The following PCDHGA5 variants were observed in gnomAD, a reference collection of about 807,000 sequenced individuals.
The protein encoded by PCDHGA5 is protocadherin gamma subfamily A, 5.
In PCDHGA5, 36 loss-of-function variants were observed where a neutral mutation model predicts 56.7. That is an observed-to-expected ratio of 0.64 (90% CI 0.49 to 0.84). The LOEUF is 0.84. Among genes scored for constraint, PCDHGA5 ranks in the 40% least tolerant of loss-of-function variants. PCDHGA5 has a pLI of 0.00. For missense variants in PCDHGA5, 1,305 were observed against 1,201.5 expected (o/e 1.09, Z -1.27); for synonymous variants, 563 against 520.2 (o/e 1.08, Z -1.12).
At chr5:141,413,697 T>G in intron 1 of PCDHGA5, 4 of 1,613,632 alleles carry the variant, frequency 2.5e-6, no homozygotes, top group Non-Finnish European at 3.4e-6. Flanking sequence ...TGCAGAGCTA[T>G]CAGCTCAGCC....
rs2099884159 is a variant in PCDHGA5 at position 141,512,278 on chromosome 5, G to A, written c.*1105G>A. 6.5e-6 allele frequency: 1 copy of A among 152,812 alleles called. No homozygotes were observed. Among genetic ancestry groups the A allele is most frequent in the Non-Finnish European group, 1.5e-5 (1 of 68,170 alleles). 9.5% of individuals were successfully genotyped at this position (152,812 alleles called of 1,614,324 possible). A position where few individuals can be genotyped will look rare whatever the true frequency, so the allele number is the denominator to read the frequency against. ...TGCTGGGTACTCCAGAGGTGCCACT[G>A]GTGGAAGGGTCAGCGGAGCCCCAGC... On this transcript the variant is annotated 3_prime_UTR_variant, in exon 4 of 4. Coordinates refer to ENST00000518069, the MANE Select transcript of PCDHGA5 (RefSeq NM_018918.3).
At position 141,365,026 on chromosome 5, in the gene PCDHGA5, C is replaced by T; in HGVS notation, c.696C>T (p.Val232=). The change falls in exon 1 of 4, where the codon GTC becomes GTT. Residue 232 remains valine, a synonymous_variant. Transcript: ENST00000518069. ...GCACCACGCACATCCGTGTTACGGT[C>T]CTCGACGCAAACGACAATGCGCCCC... ...LSGTTHIRVT[V]LDANDNAPLF... is the part of the protein sequence containing the mutation. The T allele has an allele frequency of 6.2e-7, 1 of 1,613,890 alleles. No individual in the cohort carries two copies. Among genetic ancestry groups the T allele is most frequent in the Admixed American group, 1.7e-5 (1 of 60,030 alleles).
chr5:141,400,571 C>T (rs781701893), intron 1 of PCDHGA5: 1 of 1,612,704 alleles, frequency 6.2e-7, no homozygotes, highest in South Asian at 1.1e-5. Context: ...ACCCAATTTT[C>T]TGTATTTACA....
At chr5:141,394,754 G>A (rs753264235) in intron 1 of PCDHGA5, 3 of 1,613,428 alleles carry the variant, frequency 1.9e-6, no homozygotes, top group African/African-American at 2.7e-5. Flanking sequence ...TGGCCGTCCA[G>A]GACCATGGCC....
Position 141,423,156 on chromosome 5 carries a change from CGTG to C in PCDHGA5, c.2421+56410_2421+56412del, listed in dbSNP as rs776903094. On this transcript the variant is annotated intron_variant, in intron 1 of 3. Coordinates refer to ENST00000518069, the MANE Select transcript of PCDHGA5 (RefSeq NM_018918.3). ...ACAGAGACGCGCTCAAGCAGAGCCT[CGTG>C]GTGGCCGTCCAGGACCACGGCCAGC... 8.2e-4 allele frequency: 1,328 copies of C among 1,613,396 alleles called. 15 individuals are homozygous for C. Among genetic ancestry groups the C allele is most frequent in the Admixed American group, 9.5e-4 (57 of 60,016 alleles).
In PCDHGA5 at chr5:141,431,187, G is replaced by C. The variant is rs748150837; in HGVS notation, c.2422-63620G>C. On this transcript the variant is annotated intron_variant, in intron 1 of 3. Transcript: ENST00000518069. This position sits in a 1 kb window ranked among gnomAD's most constrained non-coding sequence, Gnocchi z 4.8. ...GAAAGTGAATTAGAAATAAAAATTAGTGAAAATGCAGCCACTGAGATGCGG... is the reference window on the plus strand; with the variant it reads ...GAAAGTGAATTAGAAATAAAAATTACTGAAAATGCAGCCACTGAGATGCGG... 4.3e-6 allele frequency: 7 copies of C among 1,614,102 alleles called. No homozygotes were observed. The Admixed American group carries it at 1.2e-4, about 27-fold the overall frequency.
chr5:141,461,124 A>G (rs992107268), intron 1 of PCDHGA5, among the ~76,000 whole-genome samples: 1 of 151,978 alleles, frequency 6.6e-6, no homozygotes, highest in Admixed American at 6.6e-5. Context: ...TTTTTCATAT[A>G]ATTACTTATT....
intron 1 of PCDHGA5, chr5:141,375,536 G>A: frequency 6.2e-7 from 1 of 1,613,972 alleles, no homozygotes; most frequent in African/African-American, 1.3e-5. Flanking sequence ...GGACCAGAAC[G>A]CCCAAGTCTC....
At position 141,432,881 on chromosome 5, in the gene PCDHGA5, G is replaced by A; in HGVS notation, c.2422-61926G>A. On this transcript the variant is annotated intron_variant, in intron 1 of 3. Coordinates refer to ENST00000518069, the MANE Select transcript of PCDHGA5 (RefSeq NM_018918.3). This position sits in a 1 kb window ranked among gnomAD's most constrained non-coding sequence, Gnocchi z 6.0. ...GGTCTCCTGCGTCTTCCTGGCCTTC[G>A]TCATCTTGCTGCTGGCGCTCAGGCT... 6.2e-7 allele frequency: 1 copy of A among 1,614,170 alleles called. No homozygotes were observed. The highest frequency in any genetic ancestry group is 1.1e-5 in the South Asian group (1 of 91,088).
chr5:141,471,631 G>A (rs573080972), intron 1 of PCDHGA5: 7 of 152,188 alleles, frequency 4.6e-5, no homozygotes, highest in African/African-American at 9.6e-5. Flanking sequence ...CATTGGTATG[G>A]ATTAGTAATA....
At chr5:141,446,069 C>T (rs552817495) in intron 1 of PCDHGA5, among the ~76,000 whole-genome samples, 1 of 152,102 alleles carries the variant, frequency 6.6e-6, no homozygotes, top group South Asian at 2.1e-4. Flanking sequence ...AAAGGGGAGG[C>T]AGTGGATGTA....
At chr5:141,478,759 A>G in intron 1 of PCDHGA5, 2 of 1,514,800 alleles carry the variant, frequency 1.3e-6, no homozygotes, top group African/African-American at 1.4e-5. Flanking sequence ...GGGGGAAGAT[A>G]CTTGACTCAT....
At chr5:141,415,314 C>A (rs375384840) in intron 1 of PCDHGA5, 1 of 1,614,238 alleles carries the variant, frequency 6.2e-7, no homozygotes, top group Non-Finnish European at 8.5e-7. Context: ...CCTTCGTCAT[C>A]GTGCTGCTGG....
intron 1 of PCDHGA5, chr5:141,402,790 A>T: frequency 2.1e-6 from 2 of 961,358 alleles, no homozygotes; most frequent in Non-Finnish European, 2.9e-6. Context: ...TTCTGCGGCT[A>T]CACAAAACCC....
At position 141,477,160 on chromosome 5, in the gene PCDHGA5, C is replaced by G. The variant is rs768436526; in HGVS notation, c.2422-17647C>G. 2 of 1,614,186 alleles carry G rather than the reference C, an allele frequency of 1.2e-6. No homozygotes were observed. Among genetic ancestry groups the G allele is most frequent in the Admixed American group, 1.7e-5 (1 of 60,020 alleles). On this transcript the variant is annotated intron_variant, in intron 1 of 3. Transcript: ENST00000518069. The surrounding 1 kb of genome is among the most constrained non-coding windows in gnomAD (Gnocchi z 4.9). ...TGGAGGTTGTGGATGTGAATGACAA[C>G]GCCCCGGAGATCACAGTCACCTCCG...
intron 1 of PCDHGA5, chr5:141,382,749 G>A: frequency 1.6e-6 from 1 of 612,214 alleles, no homozygotes; most frequent in Non-Finnish European, 2.8e-6. Flanking sequence ...GACAGATTGC[G>A]ATAAGCCCTC....
At position 141,477,751 on chromosome 5, in the gene PCDHGA5, G is replaced by T; in HGVS notation, c.2422-17056G>T. 1.2e-6 allele frequency: 2 copies of T among 1,613,830 alleles called. No homozygotes were observed. Among genetic ancestry groups the T allele is most frequent in the Non-Finnish European group, 1.7e-6 (2 of 1,180,022 alleles). On this transcript the variant is annotated intron_variant, in intron 1 of 3. Coordinates refer to ENST00000518069, the MANE Select transcript of PCDHGA5 (RefSeq NM_018918.3). This position sits in a 1 kb window ranked among gnomAD's most constrained non-coding sequence, Gnocchi z 4.9. ...CTCATATCAGCGATGGGGGCACCCC[G>T]GTCCTAGCCACCAACATCAGCGTGA...
chr5:141,485,260 G>C lies in PCDHGA5; in HGVS notation c.2422-9547G>C. ...TTTACCACCTGGGTTACGTTTGTGG[G>C]CAGATCCGCTACCCGGTCCCAGAGG... is the stretch of plus-strand genomic sequence containing the variant. On this transcript the variant is annotated intron_variant, in intron 1 of 3. Transcript: ENST00000518069. The surrounding 1 kb of genome is among the most constrained non-coding windows in gnomAD (Gnocchi z 5.7). 1 of 1,614,122 alleles carries C rather than the reference G, an allele frequency of 6.2e-7. No homozygotes were observed. The highest frequency in any genetic ancestry group is 8.5e-7 in the Non-Finnish European group (1 of 1,179,966).
Position 141,365,992 on chromosome 5 carries a change from C to T in PCDHGA5, c.1662C>T (p.Asp554=), listed in dbSNP as rs571544765. 10 of 1,614,132 alleles carry T rather than the reference C, an allele frequency of 6.2e-6. No homozygotes were observed. Among genetic ancestry groups the T allele is most frequent in the Middle Eastern group, 1.6e-4 (1 of 6,084 alleles). ...SNVSLSLFVL[D]QNDNTPEILY... Reference sequence around the variant, plus strand: ...TGTCGCTGAGCCTGTTTGTGCTGGACCAGAACGACAATACGCCTGAGATCC... The same window carrying T: ...TGTCGCTGAGCCTGTTTGTGCTGGATCAGAACGACAATACGCCTGAGATCC... Residue 554 remains aspartate, a synonymous_variant, in exon 1 of 4, where the codon GAC becomes GAT. Transcript: ENST00000518069.
Sources: gnomAD v4.1 joint callset for allele counts (sites outside exome capture counted in the v4.1 genomes callset) on GRCh38, gnomAD v4.1.1 for gene constraint, Gnocchi (gnomAD v3.1) non-coding constraint, MANE v1.5 for transcripts, NCBI Gene and HGNC (gene_info 2026-07-23, HGNC 2026-07-21) for gene names.